Variants in AHR observed in about 807,000 individuals in gnomAD.
AHR encodes AH-receptor.
A neutral mutation model predicts 86.8 loss-of-function variants in AHR; 40 were observed. That is an observed-to-expected ratio of 0.46 (90% CI 0.36 to 0.60). The LOEUF is 0.60. Among genes scored for constraint, AHR ranks in the 20% least tolerant of loss-of-function variants. AHR has a pLI of 0.00. For missense variants in AHR, 1,001 were observed against 1,011.6 expected (o/e 0.99, Z 0.14); for synonymous variants, 398 against 354.9 (o/e 1.12, Z -1.37).
At chr7:17,321,194 A>G (rs1240813564) in intron 2 of AHR, among the ~76,000 whole-genome samples, 2 of 152,062 alleles carry the variant, frequency 1.3e-5, no homozygotes, top group East Asian at 3.8e-4. Flanking sequence ...AGAAAGTGGC[A>G]AGTATCTAAA....
chr7:17,299,167 A>T lies in AHR; in HGVS notation c.-98A>T. ...GGTGGAGCGGGCGCGGCTTCGCGGA[A>T]CCCGGCGCCGGCCGCCGCAGTGGTC... On this transcript the variant is annotated 5_prime_UTR_variant, in exon 1 of 11. Coordinates refer to ENST00000242057, the MANE Select transcript of AHR (RefSeq NM_001621.5). 3 of 1,361,272 alleles carry T rather than the reference A, an allele frequency of 2.2e-6. No individual in the cohort carries two copies. The highest frequency in any genetic ancestry group is 2.9e-6 in the Non-Finnish European group (3 of 1,028,266). 84.3% of individuals were successfully genotyped at this position (1,361,272 alleles called of 1,614,324 possible).
At chr7:17,333,313 T>C (rs997635616) in intron 6 of AHR, among the ~76,000 whole-genome samples, 2 of 151,930 alleles carry the variant, frequency 1.3e-5, no homozygotes, top group East Asian at 3.9e-4. Context: ...TTGGACTGGT[T>C]GATATTGTTT....
chr7:17,335,976 T>C, intron 9 of AHR, 190 bp downstream of exon 9: 1 of 547,536 alleles, frequency 1.8e-6, no homozygotes, highest in Non-Finnish European at 3.1e-6. Context: ...GAGAGCTACA[T>C]GTGCAGAGCT....
rs1357389927 is a variant in AHR at position 17,330,778 on chromosome 7, A to G, written c.597A>G (p.Thr199=). 1 of 1,611,212 alleles carries G rather than the reference A, an allele frequency of 6.2e-7. No individual in the cohort carries two copies. Among genetic ancestry groups the G allele is most frequent in the Non-Finnish European group, 8.5e-7 (1 of 1,178,162 alleles). ...GIEEATGLPQ[T]VVCYNPDQIP... is the part of the protein sequence containing the mutation. ...CAGAAGCCACTGGTCTCCCCCAGAC[A>G]GTAGTCTGTTATAACCCAGACCAGA... Residue 199 remains threonine (T), a synonymous_variant, in exon 6 of 11, where the codon ACA becomes ACG. Coordinates refer to ENST00000242057, the MANE Select transcript of AHR (RefSeq NM_001621.5).
At position 17,327,743 on chromosome 7, in the gene AHR, C is replaced by A. The variant is rs1368570739; in HGVS notation, c.361-16C>A. On this transcript the variant is annotated splice_polypyrimidine_tract_variant and intron_variant, in intron 3 of 10. Coordinates refer to ENST00000242057, the MANE Select transcript of AHR (RefSeq NM_001621.5). ...TTAAGTCATATTACTAATTTTAGAA[C>A]TTCCTTTCCTTGTAGGCTCTGAATG... 2 of 1,487,508 alleles carry A rather than the reference C, an allele frequency of 1.3e-6. No individual in the cohort carries two copies. The highest frequency in any genetic ancestry group is 1.4e-5 in the African/African-American group (1 of 71,572). The allele number at this position is 1,487,508 out of a possible 1,614,324, so 92.1% of individuals were successfully genotyped here.
chr7:17,338,177 C>G (rs985277094), intron 9 of AHR, among the ~76,000 whole-genome samples: 1 of 143,086 alleles, frequency 7.0e-6, no homozygotes, highest in Non-Finnish European at 1.5e-5. Flanking sequence ...CCAGCCTGGG[C>G]GACAGAGCGA....
At chr7:17,335,834 T>A in intron 9 of AHR, 48 bp downstream of exon 9, 1 of 1,548,936 alleles carries the variant, frequency 6.5e-7, no homozygotes, top group African/African-American at 1.4e-5. Flanking sequence ...TTTTCATAAG[T>A]CCTCTTATGT....
At chr7:17,304,401 TC>T (rs1781985187) in intron 1 of AHR, among the ~76,000 whole-genome samples, 1 of 152,182 alleles carries the variant, frequency 6.6e-6, no homozygotes, top group Non-Finnish European at 1.5e-5. Context: ...GCCTTCCTGT[TC>T]TATGCTATTA....
chr7:17,330,017 T>G lies in AHR; in HGVS notation c.516T>G (p.Arg172=), dbSNP rs1477247779. ...IHTEDRAEFQ[R]QLHWALNPSQ... ...CCGAAGACCGAGCTGAATTTCAGCGTCAGCTACACTGGGCATTAAATCCTT... is the reference window on the plus strand; with the variant it reads ...CCGAAGACCGAGCTGAATTTCAGCGGCAGCTACACTGGGCATTAAATCCTT... The change falls in exon 5 of 11, where the codon CGT becomes CGG. Residue 172 remains arginine (R), a synonymous_variant. Transcript: ENST00000242057. 1 of 1,611,512 alleles carries G rather than the reference T, an allele frequency of 6.2e-7. No homozygotes were observed.
At chr7:17,324,500 GTTACAAAAAT>G (rs1340098500) in intron 3 of AHR, among the ~76,000 whole-genome samples, 1 of 152,120 alleles carries the variant, frequency 6.6e-6, no homozygotes, top group African/African-American at 2.4e-5. Context: ...TGAAGAAAAT[GTTACAAAAAT>G]TTTTATTAAA....
intron 2 of AHR, among the ~76,000 whole-genome samples, chr7:17,311,276 T>G (rs1782061922): frequency 6.6e-6 from 1 of 152,210 alleles, no homozygotes; most frequent in African/African-American, 2.4e-5. Flanking sequence ...ATGCTTCTCA[T>G]ACATTAATGT....
chr7:17,344,565 A>C lies in AHR; in HGVS notation c.*1501A>C, dbSNP rs889280205. The C allele has an allele frequency of 2.0e-5, 3 of 152,308 alleles. No homozygotes were observed. The highest frequency in any genetic ancestry group is 7.3e-5 in the African/African-American group (3 of 41,378). 9.4% of individuals were successfully genotyped at this position (152,308 alleles called of 1,614,324 possible). ...GATCTTCATTACCAATAGGCAAATTAATCACCCTACCAACTTTACTGTCCT... is the reference window on the plus strand; with the variant it reads ...GATCTTCATTACCAATAGGCAAATTCATCACCCTACCAACTTTACTGTCCT... On this transcript the variant is annotated 3_prime_UTR_variant, in exon 11 of 11. Coordinates refer to ENST00000242057, the MANE Select transcript of AHR (RefSeq NM_001621.5).
At chr7:17,308,295 C>G (rs1220797895) in intron 1 of AHR, among the ~76,000 whole-genome samples, 1 of 152,132 alleles carries the variant, frequency 6.6e-6, no homozygotes, top group African/African-American at 2.4e-5. Context: ...TATGCCTCTT[C>G]ATGAAATCCT....
Position 17,344,821 on chromosome 7 carries a change from G to A in AHR, c.*1757G>A, listed in dbSNP as rs1344668949. ...ATTTTTGTATTTTTAGTAGAAACGG[G>A]TTTCACCATGTTGGCCAGACTGGTC... On this transcript the variant is annotated 3_prime_UTR_variant, in exon 11 of 11. Transcript: ENST00000242057. The A allele has an allele frequency of 2.0e-5, 3 of 151,264 alleles. No individual in the cohort carries two copies. The highest frequency in any genetic ancestry group is 7.3e-5 in the African/African-American group (3 of 41,184). The allele number at this position is 151,264 out of a possible 1,614,324, so 9.4% of individuals were successfully genotyped here.
At position 17,299,203 on chromosome 7, in the gene AHR, C is replaced by G; in HGVS notation, c.-62C>G. On this transcript the variant is annotated 5_prime_UTR_variant, in exon 1 of 11. Coordinates refer to ENST00000242057, the MANE Select transcript of AHR (RefSeq NM_001621.5). ...GCCGCCGCAGTGGTCCCAGCCTACA[C>G]CGGGTTCCGGGGACCCGGCCGCCAG... The G allele has an allele frequency of 1.9e-6, 3 of 1,574,108 alleles. No homozygotes were observed. The highest frequency in any genetic ancestry group is 2.6e-6 in the Non-Finnish European group (3 of 1,161,950).
At chr7:17,302,151 C>T (rs1250017033) in intron 1 of AHR, among the ~76,000 whole-genome samples, 1 of 151,814 alleles carries the variant, frequency 6.6e-6, no homozygotes, top group Non-Finnish European at 1.5e-5. Context: ...TGGATTTCAG[C>T]TTACCTGTAC....
intron 2 of AHR, among the ~76,000 whole-genome samples, chr7:17,320,075 A>T (rs1307869511): frequency 6.6e-6 from 1 of 152,120 alleles, no homozygotes; most frequent in Non-Finnish European, 1.5e-5. Flanking sequence ...TACACATATT[A>T]TCTATCATCC....
At chr7:17,306,453 C>G (rs1782006727) in intron 1 of AHR, among the ~76,000 whole-genome samples, 1 of 152,170 alleles carries the variant, frequency 6.6e-6, no homozygotes, top group Non-Finnish European at 1.5e-5. Context: ...GAGGGTACTT[C>G]TTAGCCCTGA....
At chr7:17,321,887 T>C (rs1403465854) in intron 2 of AHR, among the ~76,000 whole-genome samples, 2 of 152,018 alleles carry the variant, frequency 1.3e-5, no homozygotes, top group Admixed American at 6.6e-5. Flanking sequence ...ATAGAATGAT[T>C]CAAGATTATA....
Sources: gnomAD v4.1 joint callset for allele counts (sites outside exome capture counted in the v4.1 genomes callset) on GRCh38, gnomAD v4.1.1 for gene constraint, MANE v1.5 for transcripts, NCBI Gene and HGNC (gene_info 2026-07-23, HGNC 2026-07-21) for gene names.